The following THSD7B variants were observed in gnomAD, a reference collection of about 807,000 sequenced individuals.
THSD7B encodes thrombospondin type-1 domain-containing protein 7B.
In THSD7B, 138 loss-of-function variants were observed where a neutral mutation model predicts 213.6. The observed-to-expected ratio is 0.65, with a 90% CI of 0.56 to 0.74. The LOEUF (loss-of-function observed/expected upper bound fraction) is 0.74, where lower values mean the gene tolerates loss of function less well. Among genes scored for constraint, THSD7B ranks in the 30% least tolerant of loss-of-function variants. The pLI is 0.00. For missense variants in THSD7B, 1,931 were observed against 1,991.5 expected (o/e 0.97, Z 0.58); for synonymous variants, 742 against 687.0 (o/e 1.08, Z -1.25).
intron 2 of THSD7B, among the ~76,000 whole-genome samples, chr2:136,898,298 G>A (rs1683998942): frequency 6.6e-6 from 1 of 152,148 alleles, no homozygotes; most frequent in African/African-American, 2.4e-5. Flanking sequence ...TATTCAGTTT[G>A]AATAGAGTTT....
rs12465059 is a variant in THSD7B, at chr2:137,150,694, C to A, written c.1370-9519C>A. ...AACATGGGAATGGACTAATACAGGG[C>A]TTAATGAGGGGGTTCCTTCTAAGAG... On this transcript the variant is annotated intron_variant, in intron 5 of 27. Coordinates refer to ENST00000409968, the MANE Select transcript of THSD7B (RefSeq NM_001316349.2). Among the ~76,000 whole-genome samples, 678 of 152,188 alleles carry A rather than the reference C, an allele frequency of 4.5e-3. 13 individuals are homozygous for A. Among genetic ancestry groups the A allele is most frequent in the Admixed American group, 0.034 (523 of 15,282 alleles).
At chr2:137,085,187 C>A (rs1396797847) in intron 3 of THSD7B, among the ~76,000 whole-genome samples, 2 of 152,058 alleles carry the variant, frequency 1.3e-5, no homozygotes, top group Admixed American at 6.6e-5. Flanking sequence ...TTGTGGAACA[C>A]AAATAAAACG....
chr2:137,046,221 T>C (rs925431782), intron 2 of THSD7B, among the ~76,000 whole-genome samples: 4 of 152,190 alleles, frequency 2.6e-5, no homozygotes, highest in Non-Finnish European at 5.9e-5. Context: ...GTTGAAAATG[T>C]TTCTACTTTC....
At chr2:137,266,988 A>G (rs1682605472) in intron 10 of THSD7B, among the ~76,000 whole-genome samples, 1 of 152,208 alleles carries the variant, frequency 6.6e-6, no homozygotes, top group Non-Finnish European at 1.5e-5. Context: ...CCTACCTGCA[A>G]ATCACCCAAA....
At chr2:136,792,127 T>C (rs116429671) in intron 1 of THSD7B, among the ~76,000 whole-genome samples, 2,134 of 152,138 alleles carry the variant, frequency 0.014, 36 homozygotes, top group Non-Finnish European at 0.018. Flanking sequence ...AATGATGTTG[T>C]GCATTTTTGC....
At chr2:137,571,957 G>C (rs1275107568) in intron 16 of THSD7B, among the ~76,000 whole-genome samples, 2 of 151,570 alleles carry the variant, frequency 1.3e-5, no homozygotes, top group East Asian at 1.9e-4. Context: ...CATGGTATCA[G>C]ATAGAAGTTT....
intron 12 of THSD7B, among the ~76,000 whole-genome samples, chr2:137,365,244 G>A (rs1446386888): frequency 6.6e-6 from 1 of 152,186 alleles, no homozygotes; most frequent in African/African-American, 2.4e-5. Context: ...ATTAATTCAA[G>A]ATGGATTAAA....
At chr2:137,553,986 C>T (rs991028859) in intron 15 of THSD7B, among the ~76,000 whole-genome samples, 1 of 147,226 alleles carries the variant, frequency 6.8e-6, no homozygotes, top group Admixed American at 6.8e-5. Flanking sequence ...TGGACAAAAG[C>T]TTTAAGGAGA....
chr2:137,456,650 C>T lies in THSD7B; in HGVS notation c.3138+5627C>T, dbSNP rs572187846. The stretch of plus-strand genomic sequence containing the variant: ...CATATGGAAGGCAGCCCAAACCGAT[C>T]CATGATTGAGCACATTCAGGTGTAC... On this transcript the variant is annotated intron_variant, in intron 15 of 27. Coordinates refer to ENST00000409968, the MANE Select transcript of THSD7B (RefSeq NM_001316349.2). Among the ~76,000 whole-genome samples the T allele has an allele frequency of 5.9e-5, 9 of 152,254 alleles. No individual in the cohort carries two copies. In the South Asian group the frequency reaches 1.5e-3, roughly 25 times the overall value.
At chr2:137,311,444 T>C (rs1349831454) in intron 12 of THSD7B, among the ~76,000 whole-genome samples, 1 of 152,136 alleles carries the variant, frequency 6.6e-6, no homozygotes, top group Non-Finnish European at 1.5e-5. Context: ...AATCATGTCG[T>C]CTGCAGACAG....
At chr2:137,395,446 T>TTTATATGCTG (rs1267910829) in intron 12 of THSD7B, among the ~76,000 whole-genome samples, 2 of 150,274 alleles carry the variant, frequency 1.3e-5, no homozygotes, top group Non-Finnish European at 3.0e-5. Flanking sequence ...TTTGGCTCTG[T>TTTATATGCTG]TTATATGCTG....
intron 5 of THSD7B, among the ~76,000 whole-genome samples, chr2:137,137,385 T>C (rs746303149): frequency 1.4e-4 from 21 of 152,198 alleles, no homozygotes; most frequent in African/African-American, 5.1e-4. Context: ...TCATGTAGTA[T>C]GTACAGTCAG....
intron 20 of THSD7B, among the ~76,000 whole-genome samples, chr2:137,637,230 C>T (rs1436534506): frequency 6.6e-6 from 1 of 152,196 alleles, no homozygotes; most frequent in Non-Finnish European, 1.5e-5. Context: ...TGACCACTAA[C>T]CTGGAAGGTG....
chr2:137,654,677 A>G (rs1683202529), intron 21 of THSD7B, among the ~76,000 whole-genome samples: 1 of 152,182 alleles, frequency 6.6e-6, no homozygotes, highest in Non-Finnish European at 1.5e-5. Context: ...CTGTGGCACC[A>G]GGAACTGTCT....
At chr2:136,966,223 A>ATT (rs5834526) in intron 2 of THSD7B, among the ~76,000 whole-genome samples, 41 of 149,714 alleles carry the variant, frequency 2.7e-4, no homozygotes, top group Admixed American at 4.0e-4. Context: ...CTTCCTAAAC[A>ATT]TTTTTTTTTT....
At chr2:137,080,126 G>A (rs1049498397) in intron 3 of THSD7B, among the ~76,000 whole-genome samples, 7 of 151,930 alleles carry the variant, frequency 4.6e-5, no homozygotes, top group African/African-American at 1.7e-4. Flanking sequence ...ACAGGCGTGA[G>A]CCACTGTGCC....
At chr2:137,588,103 G>T (rs924201400) in intron 17 of THSD7B, among the ~76,000 whole-genome samples, 3 of 152,196 alleles carry the variant, frequency 2.0e-5, no homozygotes, top group Non-Finnish European at 2.9e-5. Context: ...AGCAATGAGT[G>T]AGGCTCCAAG....
At chr2:136,875,873 T>C (rs1320129266) in intron 1 of THSD7B, among the ~76,000 whole-genome samples, 1 of 152,230 alleles carries the variant, frequency 6.6e-6, no homozygotes, top group African/African-American at 2.4e-5. Context: ...TCAACATCTT[T>C]CCATATGACT....
intron 12 of THSD7B, among the ~76,000 whole-genome samples, chr2:137,341,047 A>G (rs999359275): frequency 3.0e-5 from 4 of 131,536 alleles, no homozygotes; most frequent in African/African-American, 8.7e-5. Context: ...ACTATAATTT[A>G]CCTTCCCACC....
Sources: gnomAD v4.1 joint callset for allele counts (sites outside exome capture counted in the v4.1 genomes callset) on GRCh38, gnomAD v4.1.1 for gene constraint, MANE v1.5 for transcripts, NCBI Gene and HGNC (gene_info 2026-07-23, HGNC 2026-07-21) for gene names.